Variants in RBBP4 observed in about 807,000 individuals in gnomAD.
The protein encoded by RBBP4 is RB binding protein 4, chromatin remodeling factor, also known as histone-binding protein RBBP4.
Under a neutral mutation model 57.2 loss-of-function variants are expected in RBBP4, and 3 were observed. The ratio of observed to expected loss-of-function variants is 0.05; its 90% CI spans 0.02 to 0.14. The LOEUF is 0.14. RBBP4 is among the 10% of genes least tolerant of loss of function. RBBP4 has a pLI of 1.00. For missense variants in RBBP4, 107 were observed against 520.6 expected, an observed-to-expected ratio of 0.21 and a Z score of 7.73; for synonymous variants, 151 against 171.5, an observed-to-expected ratio of 0.88 and a Z score of 0.93.
At position 32,652,142 on chromosome 1, in the gene RBBP4, A is replaced by G. The variant is rs186772311; in HGVS notation, c.164+81A>G. On this transcript the variant is annotated intron_variant, in intron 2 of 11. Transcript: ENST00000373493. ...ATTGATTTTCTTTTTTCCGCTCTTC[A>G]GTCACCCGGAGAAGGCATGTGATCA... is the stretch of plus-strand genomic sequence containing the variant. 4.7e-4 allele frequency: 698 copies of G among 1,473,716 alleles called. 7 individuals are homozygous for G. In the African/African-American group the frequency reaches 8.6e-3, roughly 18 times the overall value. The allele number at this position is 1,473,716 out of a possible 1,614,324, so 91.3% of individuals were successfully genotyped here.
intron 3 of RBBP4, among the ~76,000 whole-genome samples, chr1:32,659,088 ATATATT>A (rs1048837679): frequency 5.4e-5 from 8 of 147,488 alleles, no homozygotes; most frequent in African/African-American, 2.0e-4. Context: ...CTACATGTGT[ATATATT>A]TATATTGTGT....
chr1:32,684,226 T>C lies in RBBP4; in HGVS notation c.*4521T>C. On this transcript the variant is annotated 3_prime_UTR_variant, in exon 12 of 12. Transcript: ENST00000373493. Reference sequence around the variant, plus strand: ...CTCCCACCATCCCCTCAGCCAGTATTAGATGAGATTTGTATAGCAGCAGAA... The same window carrying C: ...CTCCCACCATCCCCTCAGCCAGTATCAGATGAGATTTGTATAGCAGCAGAA... 6.2e-7 allele frequency: 1 copy of C among 1,613,788 alleles called. No homozygotes were observed. Among genetic ancestry groups the C allele is most frequent in the Non-Finnish European group, 8.5e-7 (1 of 1,179,682 alleles).
At chr1:32,675,971 C>T (rs948602025) in intron 11 of RBBP4, among the ~76,000 whole-genome samples, 1 of 151,976 alleles carries the variant, frequency 6.6e-6, no homozygotes, top group Non-Finnish European at 1.5e-5. Context: ...CCTGTGATCC[C>T]AGCTACTTGG....
chr1:32,668,643 T>G (rs1648751577), intron 4 of RBBP4, 96 bp from the exon 5 acceptor site: 9 of 985,504 alleles, frequency 9.1e-6, no homozygotes, highest in Non-Finnish European at 1.4e-5. Context: ...TTATAAATGT[T>G]AAGAGCTTTA....
Position 32,680,263 on chromosome 1 carries a change from T to C in RBBP4, c.*558T>C. On this transcript the variant is annotated 3_prime_UTR_variant, in exon 12 of 12. Coordinates refer to ENST00000373493, the MANE Select transcript of RBBP4 (RefSeq NM_005610.3). ...AACAACACGTTCCTCTTTCCCCATA[T>C]ATTCATATATTTTTGCTCGTTAGTG... The C allele has an allele frequency of 8.2e-7, 1 of 1,213,906 alleles. No homozygotes were observed. The highest frequency in any genetic ancestry group is 1.0e-6 in the Non-Finnish European group (1 of 973,428). The allele number at this position is 1,213,906 out of a possible 1,614,324, so 75.2% of individuals were successfully genotyped here. A position where few individuals can be genotyped will look rare whatever the true frequency, so the allele number is the denominator to read the frequency against.
chr1:32,662,119 T>G (rs543304946), intron 3 of RBBP4: 18 of 222,416 alleles, frequency 8.1e-5, no homozygotes, highest in South Asian at 6.7e-4. Flanking sequence ...CTCCTGACAT[T>G]GCGATCTGCT....
chr1:32,664,104 A>G (rs928564983), intron 3 of RBBP4, among the ~76,000 whole-genome samples: 9 of 151,302 alleles, frequency 5.9e-5, no homozygotes, highest in African/African-American at 2.2e-4. Flanking sequence ...TTTTTTTTGT[A>G]TTTTTATTAG....
Position 32,680,390 on chromosome 1 carries a change from C to A in RBBP4, c.*685C>A. Reference sequence around the variant, plus strand: ...TTTTTTTTTTTTAACTTGGGACCACCAAGTTGTAAAGATGTATGTTTTTAC... The same window carrying A: ...TTTTTTTTTTTTAACTTGGGACCACAAAGTTGTAAAGATGTATGTTTTTAC... On this transcript the variant is annotated 3_prime_UTR_variant, in exon 12 of 12. Transcript: ENST00000373493. The A allele has an allele frequency of 8.6e-7, 1 of 1,157,772 alleles. No homozygotes were observed. The allele number at this position is 1,157,772 out of a possible 1,614,324, so 71.7% of individuals were successfully genotyped here. A position where few individuals can be genotyped will look rare whatever the true frequency, so the allele number is the denominator to read the frequency against.
intron 3 of RBBP4, chr1:32,662,399 A>C (rs1557854468): frequency 5.8e-6 from 1 of 171,840 alleles, no homozygotes; most frequent in Non-Finnish European, 1.3e-5. Flanking sequence ...TTTTTGAGAC[A>C]GAATTTCACT....
chr1:32,685,014 T>C lies in RBBP4; in HGVS notation c.*5309T>C, dbSNP rs1374081316. The C allele has an allele frequency of 6.8e-6, 1 of 148,064 alleles. No individual in the cohort carries two copies. The allele number at this position is 148,064 out of a possible 1,614,324, so 9.2% of individuals were successfully genotyped here. A position where few individuals can be genotyped will look rare whatever the true frequency, so the allele number is the denominator to read the frequency against. On this transcript the variant is annotated 3_prime_UTR_variant, in exon 12 of 12. Transcript: ENST00000373493. ...CCTATTGCTAATTTCCTGCATCCTT[T>C]TTTCTTCTTTATTTTTGTATAGAGA...
intron 11 of RBBP4, among the ~76,000 whole-genome samples, chr1:32,678,187 A>T (rs1316495143): frequency 1.3e-5 from 2 of 152,212 alleles, no homozygotes; most frequent in African/African-American, 4.8e-5. Context: ...TTTTTCTCAT[A>T]GTCCCCCAGC....
intron 3 of RBBP4, among the ~76,000 whole-genome samples, chr1:32,665,968 C>G (rs937798861): frequency 6.6e-6 from 1 of 152,162 alleles, no homozygotes; most frequent in Non-Finnish European, 1.5e-5. Context: ...CATAATCACA[C>G]ATTATATTGT....
Position 32,684,053 on chromosome 1 carries a change from A to G in RBBP4, c.*4348A>G, listed in dbSNP as rs1474112308. The G allele has an allele frequency of 1.9e-6, 3 of 1,614,258 alleles. No individual in the cohort carries two copies. Among genetic ancestry groups the G allele is most frequent in the East Asian group, 2.2e-5 (1 of 44,896 alleles). On this transcript the variant is annotated 3_prime_UTR_variant, in exon 12 of 12. Transcript: ENST00000373493. ...TTCCACCTGCCTGAGAAGTGGGAGC[A>G]TCAGCCTGTTCCAGGCTCTTGGGTA...
At chr1:32,659,064 TTA>T (rs34845906) in intron 3 of RBBP4, among the ~76,000 whole-genome samples, 7 of 147,540 alleles carry the variant, frequency 4.7e-5, no homozygotes, top group South Asian at 2.1e-4. Flanking sequence ...AATATATAAA[TTA>T]TATATGTAAA....
chr1:32,651,450 A>C (rs961324849), intron 1 of RBBP4, 128 bp downstream of exon 1: 2 of 1,366,114 alleles, frequency 1.5e-6, no homozygotes, highest in Non-Finnish European at 1.9e-6. Context: ...AGGCGTGAAG[A>C]GGGAACTCCC....
intron 1 of RBBP4, chr1:32,651,653 T>G: frequency 1.3e-6 from 1 of 753,394 alleles, no homozygotes; most frequent in South Asian, 2.4e-5. Context: ...CTCGTCGGGC[T>G]TGTGAGTTTC....
At chr1:32,673,152 C>T (rs1278568607) in intron 11 of RBBP4, among the ~76,000 whole-genome samples, 2 of 152,156 alleles carry the variant, frequency 1.3e-5, no homozygotes, top group African/African-American at 4.8e-5. Flanking sequence ...TCTCCTCCTT[C>T]TTTCTTTCTT....
chr1:32,684,092 TTAAAAAGAGA>T lies in RBBP4; in HGVS notation c.*4388_*4397del. ...GGCTCTTGGGTAGTAGCATAGCCCT[TTAAAAAGAGA>T]GAGCCATTTTCCATGTGTTTTTGGA... is the stretch of plus-strand genomic sequence containing the variant. On this transcript the variant is annotated 3_prime_UTR_variant, in exon 12 of 12. Coordinates refer to ENST00000373493, the MANE Select transcript of RBBP4 (RefSeq NM_005610.3). The T allele has an allele frequency of 1.9e-6, 3 of 1,609,686 alleles. No homozygotes were observed. In the South Asian group the frequency reaches 3.3e-5, roughly 18 times the overall value.
chr1:32,686,121 G>A lies in RBBP4; in HGVS notation c.*6416G>A, dbSNP rs1649813670. The A allele has an allele frequency of 6.6e-6, 1 of 152,190 alleles. No individual in the cohort carries two copies. Among genetic ancestry groups the A allele is most frequent in the South Asian group, 2.1e-4 (1 of 4,832 alleles). The allele number at this position is 152,190 out of a possible 1,614,324, so 9.4% of individuals were successfully genotyped here. The stretch of plus-strand genomic sequence containing the variant: ...AAATACACAGCAGATTTCTAAGACA[G>A]CACACAAAATGTAAAATATGTCAAA... On this transcript the variant is annotated 3_prime_UTR_variant, in exon 12 of 12. Coordinates refer to ENST00000373493, the MANE Select transcript of RBBP4 (RefSeq NM_005610.3).
Sources: gnomAD v4.1 joint callset for allele counts (sites outside exome capture counted in the v4.1 genomes callset) on GRCh38, gnomAD v4.1.1 for gene constraint, MANE v1.5 for transcripts, NCBI Gene and HGNC (gene_info 2026-07-23, HGNC 2026-07-21) for gene names.